Variants in PDE4D observed in about 807,000 individuals in gnomAD.
The protein encoded by PDE4D is phosphodiesterase 4D.
PDE4D carries 24 observed loss-of-function variants against 87.4 expected under a neutral mutation model. That is an observed-to-expected ratio of 0.27 (90% CI 0.20 to 0.39). The LOEUF is 0.39. Ranked by LOEUF, PDE4D falls within the 10% of genes least tolerant of loss-of-function variation. PDE4D has a pLI of 1.00. For synonymous variants in PDE4D, 384 were observed against 383.2 expected (o/e 1.00, Z -0.02); for missense variants, 714 against 1,041.0 (o/e 0.69, Z 4.32).
intron 1 of PDE4D, among the ~76,000 whole-genome samples, chr5:59,380,526 C>T (rs1239399351): frequency 1.3e-5 from 2 of 152,136 alleles, no homozygotes; most frequent in African/African-American, 4.8e-5. Context: ...GTCACAAGAG[C>T]TACAGGCTGA....
At chr5:59,929,757 C>G (rs1221243325) in intron 3 of PDE4D, among the ~76,000 whole-genome samples, 1 of 152,056 alleles carries the variant, frequency 6.6e-6, no homozygotes, top group East Asian at 1.9e-4. Context: ...ATTAGTAGAC[C>G]TGACTCTAGG....
At chr5:59,662,570 CACTT>C (rs1207795290) in intron 1 of PDE4D, among the ~76,000 whole-genome samples, 1 of 152,174 alleles carries the variant, frequency 6.6e-6, no homozygotes, top group Non-Finnish European at 1.5e-5. Context: ...ATCATTTGTA[CACTT>C]AGATTGCCAT....
intron 1 of PDE4D, among the ~76,000 whole-genome samples, chr5:60,455,218 A>C (rs1746382165): frequency 6.6e-6 from 1 of 152,218 alleles, no homozygotes; most frequent in African/African-American, 2.4e-5. Flanking sequence ...TTGAAGTGCT[A>C]ATTTTAAATG....
chr5:59,982,052 C>A (rs1315377151), intron 3 of PDE4D, among the ~76,000 whole-genome samples: 1 of 152,154 alleles, frequency 6.6e-6, no homozygotes, highest in African/African-American at 2.4e-5. Context: ...TCTGGAAGAT[C>A]CTTGTAAAAT....
At chr5:59,050,840 A>C (rs17776879) in intron 5 of PDE4D, among the ~76,000 whole-genome samples, 9,460 of 152,322 alleles carry the variant, frequency 0.062, 463 homozygotes, top group Admixed American at 0.13. Flanking sequence ...AAGAAATGTA[A>C]AGTACCAAGG....
chr5:60,030,452 G>A (rs1165838996), intron 2 of PDE4D, among the ~76,000 whole-genome samples: 1 of 152,106 alleles, frequency 6.6e-6, no homozygotes, highest in African/African-American at 2.4e-5. Context: ...GCGAGACTCC[G>A]TCTCAAAAAA....
chr5:59,413,720 G>A (rs34797165), intron 1 of PDE4D, among the ~76,000 whole-genome samples: 2 of 151,970 alleles, frequency 1.3e-5, no homozygotes, highest in Non-Finnish European at 2.9e-5. Flanking sequence ...TGTAAACACT[G>A]TGAATTTTTT....
At chr5:60,506,822 G>A (rs76243148) in intron 1 of PDE4D, among the ~76,000 whole-genome samples, 222 of 152,072 alleles carry the variant, frequency 1.5e-3, no homozygotes, top group African/African-American at 5.3e-3. Context: ...AGGACTTCCC[G>A]TAAGTAAATC....
At chr5:60,076,700 G>T (rs1773333964) in intron 2 of PDE4D, among the ~76,000 whole-genome samples, 1 of 152,148 alleles carries the variant, frequency 6.6e-6, no homozygotes, top group East Asian at 1.9e-4. Context: ...TCACTGGAGG[G>T]GCTGAGTTAC....
At chr5:59,243,079 G>T (rs997575887) in intron 1 of PDE4D, among the ~76,000 whole-genome samples, 2 of 152,110 alleles carry the variant, frequency 1.3e-5, no homozygotes, top group Non-Finnish European at 2.9e-5. Context: ...GAATTTCACA[G>T]CCTGATACTG....
At chr5:60,385,052 C>T (rs1194013907) in intron 1 of PDE4D, among the ~76,000 whole-genome samples, 1 of 152,172 alleles carries the variant, frequency 6.6e-6, no homozygotes, top group African/African-American at 2.4e-5. Flanking sequence ...CCAGAGTCTT[C>T]CACTCTCTCT....
At chr5:59,918,186 C>A (rs1455482349) in intron 3 of PDE4D, among the ~76,000 whole-genome samples, 4 of 151,502 alleles carry the variant, frequency 2.6e-5, no homozygotes, top group Non-Finnish European at 5.9e-5. Context: ...AAAAAATAAG[C>A]TTTATACTCA....
At chr5:59,967,280 A>G (rs1760148862) in intron 3 of PDE4D, among the ~76,000 whole-genome samples, 1 of 152,220 alleles carries the variant, frequency 6.6e-6, no homozygotes, top group African/African-American at 2.4e-5. Context: ...AAGATGGCCA[A>G]CTAGATAGCT....
chr5:60,337,384 T>C (rs199660768), intron 1 of PDE4D, among the ~76,000 whole-genome samples: 10,023 of 100,140 alleles, frequency 0.1, 1,542 homozygotes, highest in African/African-American at 0.33. Flanking sequence ...TATATATATA[T>C]ATATACACAC....
At chr5:59,207,808 C>T (rs756227106) in intron 2 of PDE4D, among the ~76,000 whole-genome samples, 1 of 151,754 alleles carries the variant, frequency 6.6e-6, no homozygotes, top group East Asian at 1.9e-4. Flanking sequence ...CACCTTCACA[C>T]TCTTTCTCTT....
At position 59,053,028 on chromosome 5, in the gene PDE4D, A is replaced by G. The variant is rs1483723827; in HGVS notation, c.809-14057T>C. Among the ~76,000 whole-genome samples the G allele has an allele frequency of 2.0e-5, 3 of 152,242 alleles. No homozygotes were observed. In the East Asian group the frequency reaches 5.8e-4, roughly 29 times the overall value. On this transcript the variant is annotated intron_variant, in intron 5 of 14. Coordinates refer to ENST00000340635, the MANE Select transcript of PDE4D (RefSeq NM_001104631.2). ...TACTAGTAGTGGTATCACTACTACT[A>G]GAGGTACAAGGACTCTTGTACCTCT...
chr5:60,257,451 A>T (rs1749211226), intron 1 of PDE4D, among the ~76,000 whole-genome samples: 1 of 151,994 alleles, frequency 6.6e-6, no homozygotes, highest in Non-Finnish European at 1.5e-5. Flanking sequence ...CAAGACAAAA[A>T]AAGTATTAAA....
At chr5:60,200,840 A>T (rs1741817317) in intron 1 of PDE4D, among the ~76,000 whole-genome samples, 1 of 152,180 alleles carries the variant, frequency 6.6e-6, no homozygotes, top group Admixed American at 6.5e-5. Context: ...TATTAATATA[A>T]CTCATTAAAG....
intron 1 of PDE4D, among the ~76,000 whole-genome samples, chr5:60,305,813 A>G (rs1280955626): frequency 1.3e-5 from 2 of 151,948 alleles, no homozygotes; most frequent in Admixed American, 6.6e-5. Context: ...ATATATATAC[A>G]TGTGTGTATA....
Sources: allele counts gnomAD v4.1 joint callset (sites outside exome capture counted in the v4.1 genomes callset), GRCh38; gene constraint gnomAD v4.1.1; transcripts MANE v1.5; gene names NCBI Gene and HGNC (gene_info 2026-07-23, HGNC 2026-07-21).